The following DRC11 variants were observed in gnomAD, a reference collection of about 807,000 sequenced individuals.
The protein encoded by DRC11 is dynein regulatory complex subunit 11.
chr2:236,363,845 A>C, the DRC11 span: 2 of 1,613,784 alleles, frequency 1.2e-6, no homozygotes, highest in African/African-American at 1.3e-5. This position sits in a 1 kb window ranked among gnomAD's most constrained non-coding sequence, Gnocchi z 5.6. Context: ...GCAATGTTAG[A>C]GGAGGACAAG....
At chr2:236,401,694 G>A in the DRC11 span, among the ~76,000 whole-genome samples, 2 of 147,816 alleles carry the variant, frequency 1.4e-5, no homozygotes, top group African/African-American at 2.5e-5. This position sits in a 1 kb window ranked among gnomAD's most constrained non-coding sequence, Gnocchi z 4.6. Flanking sequence ...GTATGATCCC[G>A]TTTATATGAA....
At chr2:236,363,234 T>G in the DRC11 span, among the ~76,000 whole-genome samples, 74 of 152,330 alleles carry the variant, frequency 4.9e-4, no homozygotes, top group African/African-American at 1.8e-3. The surrounding 1 kb of genome is among the most constrained non-coding windows in gnomAD (Gnocchi z 5.6). Flanking sequence ...ATTCATTTTG[T>G]GATGATAAAA....
the DRC11 span, among the ~76,000 whole-genome samples, chr2:236,453,546 A>G: frequency 6.6e-6 from 1 of 152,214 alleles, no homozygotes; most frequent in African/African-American, 2.4e-5. The surrounding 1 kb of genome is among the most constrained non-coding windows in gnomAD (Gnocchi z 4.9). Context: ...TGTAAAGAAT[A>G]TGACTCCCAA....
At chr2:236,407,737 C>T in the DRC11 span, 4 of 269,396 alleles carry the variant, frequency 1.5e-5, no homozygotes. Flanking sequence ...CTTTAAAGAA[C>T]CTCCTCACTG....
chr2:236,452,095 A>T, the DRC11 span, among the ~76,000 whole-genome samples: 4 of 152,184 alleles, frequency 2.6e-5, no homozygotes, highest in African/African-American at 9.6e-5. The surrounding 1 kb of genome is among the most constrained non-coding windows in gnomAD (Gnocchi z 4.7). Flanking sequence ...ATCTGCCTTT[A>T]CATTCTTTTA....
At chr2:236,308,926 C>T in the DRC11 span, among the ~76,000 whole-genome samples, 7 of 152,212 alleles carry the variant, frequency 4.6e-5, no homozygotes, top group African/African-American at 7.2e-5. This position sits in a 1 kb window ranked among gnomAD's most constrained non-coding sequence, Gnocchi z 6.0. Context: ...AAAAGGAACA[C>T]GTGCTTCTGC....
chr2:236,475,864 G>A, the DRC11 span, among the ~76,000 whole-genome samples: 44 of 152,182 alleles, frequency 2.9e-4, 1 homozygote, highest in Middle Eastern at 6.8e-3. This position sits in a 1 kb window ranked among gnomAD's most constrained non-coding sequence, Gnocchi z 4.8. Context: ...AGTCTTTGTC[G>A]AAAATAAATT....
At chr2:236,370,362 C>A in the DRC11 span, among the ~76,000 whole-genome samples, 3 of 152,282 alleles carry the variant, frequency 2.0e-5, no homozygotes, top group Non-Finnish European at 4.4e-5. The surrounding 1 kb of genome is among the most constrained non-coding windows in gnomAD (Gnocchi z 5.5). Flanking sequence ...GTAGTGGAAA[C>A]TGAGGCACAG....
At chr2:236,361,419 A>G in the DRC11 span, among the ~76,000 whole-genome samples, 6 of 152,194 alleles carry the variant, frequency 3.9e-5, no homozygotes, top group Non-Finnish European at 5.9e-5. This position sits in a 1 kb window ranked among gnomAD's most constrained non-coding sequence, Gnocchi z 5.7. Flanking sequence ...ATAAAAGAGT[A>G]TATTTCTTCT....
At chr2:236,312,206 T>C in the DRC11 span, among the ~76,000 whole-genome samples, 21 of 152,306 alleles carry the variant, frequency 1.4e-4, no homozygotes, top group Admixed American at 3.3e-4. Flanking sequence ...TGAATCTGCT[T>C]TTCCACAGTT....
At chr2:236,373,407 C>T in the DRC11 span, among the ~76,000 whole-genome samples, 7 of 152,062 alleles carry the variant, frequency 4.6e-5, no homozygotes, top group African/African-American at 1.4e-4. Context: ...TGTGCCATCA[C>T]ACCTGGCTAA....
the DRC11 span, among the ~76,000 whole-genome samples, chr2:236,417,773 C>T: frequency 6.6e-6 from 1 of 152,000 alleles, no homozygotes; most frequent in South Asian, 2.1e-4. Flanking sequence ...GTTCCCCTCC[C>T]TGTGCCCATG....
chr2:236,446,737 C>G, the DRC11 span, among the ~76,000 whole-genome samples: 38 of 152,340 alleles, frequency 2.5e-4, no homozygotes, highest in African/African-American at 8.7e-4. This position sits in a 1 kb window ranked among gnomAD's most constrained non-coding sequence, Gnocchi z 6.2. Flanking sequence ...CAACTGGAAT[C>G]GCAAAATGCT....
At chr2:236,321,007 TGGATGACAAGG>T in the DRC11 span, among the ~76,000 whole-genome samples, 5 of 152,178 alleles carry the variant, frequency 3.3e-5, no homozygotes, top group South Asian at 1.0e-3. Context: ...ACCTGCTCCG[TGGATGACAAGG>T]TACCATGCCT....
the DRC11 span, among the ~76,000 whole-genome samples, chr2:236,435,158 G>A: frequency 1.3e-5 from 2 of 152,228 alleles, no homozygotes; most frequent in African/African-American, 4.8e-5. Context: ...AGCAGGGTCA[G>A]TCATGCTGAA....
chr2:236,357,676 A>G, the DRC11 span, among the ~76,000 whole-genome samples: 1 of 124,430 alleles, frequency 8.0e-6, no homozygotes, highest in Non-Finnish European at 1.6e-5. Context: ...ACATAAATAT[A>G]TATTTACAAT....
chr2:236,494,542 T>C, the DRC11 span, among the ~76,000 whole-genome samples: 5 of 152,248 alleles, frequency 3.3e-5, no homozygotes, highest in Non-Finnish European at 7.3e-5. The surrounding 1 kb of genome is among the most constrained non-coding windows in gnomAD (Gnocchi z 4.2). Flanking sequence ...GATATGGGTA[T>C]GCCCTTGGCC....
chr2:236,373,553 T>C, the DRC11 span, among the ~76,000 whole-genome samples: 1 of 152,230 alleles, frequency 6.6e-6, no homozygotes, highest in South Asian at 2.1e-4. Flanking sequence ...GCTTGACCTC[T>C]TACTGTATAT....
the DRC11 span, among the ~76,000 whole-genome samples, chr2:236,313,944 G>A: frequency 6.6e-6 from 1 of 152,178 alleles, no homozygotes; most frequent in African/African-American, 2.4e-5. This position sits in a 1 kb window ranked among gnomAD's most constrained non-coding sequence, Gnocchi z 4.5. Flanking sequence ...TTAGAACTGG[G>A]CAGCATGAGA....
Sources: allele counts gnomAD v4.1 joint callset (sites outside exome capture counted in the v4.1 genomes callset), GRCh38; gene constraint gnomAD v4.1.1; non-coding constraint Gnocchi (gnomAD v3.1); transcripts MANE v1.5; gene names NCBI Gene and HGNC (gene_info 2026-07-23, HGNC 2026-07-21).